The following ANKRD11 variants were observed in gnomAD, a reference collection of about 807,000 sequenced individuals.
ANKRD11 encodes the protein ankyrin repeat domain-containing protein 11.
Under a neutral mutation model 195.7 loss-of-function variants are expected in ANKRD11, and 17 were observed. That is an observed-to-expected ratio of 0.09 (90% CI 0.06 to 0.13). The LOEUF is 0.13. Among genes scored for constraint, ANKRD11 ranks in the 10% least tolerant of loss-of-function variants. The probability of loss-of-function intolerance (pLI) is 1.00; values close to 1 mark genes in which losing one functional copy is unlikely to be tolerated. For missense variants in ANKRD11, 3,735 were observed against 3,566.1 expected (o/e 1.05, Z -1.21); for synonymous variants, 1,953 against 1,528.1 (o/e 1.28, Z -6.49).
chr16:89,341,838 G>A (rs113676492), intron 2 of ANKRD11, among the ~76,000 whole-genome samples: 4 of 151,408 alleles, frequency 2.6e-5, no homozygotes, highest in African/African-American at 4.9e-5. Flanking sequence ...CACGGCCCAC[G>A]GCGGGAGTGC....
Position 89,291,276 on chromosome 16 carries a change from C to A in ANKRD11, c.227-93G>T. 6.8e-7 allele frequency: 1 copy of A among 1,472,188 alleles called. No individual in the cohort carries two copies. The highest frequency in any genetic ancestry group is 2.4e-5 in the East Asian group (1 of 42,472). 91.2% of individuals were successfully genotyped at this position (1,472,188 alleles called of 1,614,324 possible). ...TTACCTAATGTTACGGAGCCCCCTG[C>A]GTCCACCTGACAGCTGACAGAGCAG... On this transcript the variant is annotated intron_variant, in intron 4 of 12. Transcript: ENST00000301030. The surrounding 1 kb of genome is among the most constrained non-coding windows in gnomAD (Gnocchi z 5.3).
At position 89,270,852 on chromosome 16, in the gene ANKRD11, G is replaced by C; in HGVS notation, c.7771C>G (p.Leu2591Val). ...TCATACTTGTCATCCACGTCCTGGA[G>C]CCAGGAGATGAACTGGCGGGCGTTG... ...RFNARQFISW[L>V]QDVDDKYDRM... Residue 2591 changes from leucine to valine, a missense_variant, in exon 12 of 13, where the codon CTC (leucine) becomes GTC (valine). Coordinates refer to ENST00000301030, the MANE Select transcript of ANKRD11 (RefSeq NM_013275.6). The C allele has an allele frequency of 6.2e-7, 1 of 1,614,084 alleles. No homozygotes were observed. Among genetic ancestry groups the C allele is most frequent in the South Asian group, 1.1e-5 (1 of 91,086 alleles).
chr16:89,370,091 C>A (rs1597811921), intron 2 of ANKRD11, among the ~76,000 whole-genome samples: 8 of 152,306 alleles, frequency 5.3e-5, no homozygotes, highest in Admixed American at 5.2e-4. Flanking sequence ...GAATCTCAGG[C>A]ATGGCAGGAA....
At chr16:89,305,663 GCTACCTC>G (rs2036153401) in intron 3 of ANKRD11, among the ~76,000 whole-genome samples, 2 of 91,842 alleles carry the variant, frequency 2.2e-5, no homozygotes, top group African/African-American at 4.1e-5. Context: ...GCAGACACGC[GCTACCTC>G]CCACTCCGCA....
At chr16:89,321,577 C>CGG (rs1210525883) in intron 2 of ANKRD11, among the ~76,000 whole-genome samples, 1 of 152,020 alleles carries the variant, frequency 6.6e-6, no homozygotes, top group Non-Finnish European at 1.5e-5. Context: ...TGGAGACTCA[C>CGG]GGGTCCCCTC....
chr16:89,457,419 A>G (rs1360788858), intron 1 of ANKRD11, among the ~76,000 whole-genome samples: 1 of 151,288 alleles, frequency 6.6e-6, no homozygotes, highest in Non-Finnish European at 1.5e-5. Context: ...CAATATGGTA[A>G]AACCCTGTCT....
At chr16:89,381,354 AG>A (rs149983751) in intron 2 of ANKRD11, among the ~76,000 whole-genome samples, 1 of 125,346 alleles carries the variant, frequency 8.0e-6, no homozygotes, top group African/African-American at 3.3e-5. Flanking sequence ...AAAAAAAAAA[AG>A]GGGTGAGAAG....
Position 89,284,123 on chromosome 16 carries a change from C to A in ANKRD11, c.2419G>T (p.Val807Phe), listed in dbSNP as rs150485489. ...TCAAAAGCAGAATCTTCCCTATAAA[C>A]CTTTTCTTTTTTGAGTTTTTCTTTA... ...EDKEKLKKEK[V>F]YREDSAFDEY... The change falls in exon 9 of 13, where the codon GTT becomes TTT. Residue 807 changes from valine (V) to phenylalanine (F), a missense_variant. Physicochemically the swap from Val to Phe is conservative, Grantham distance 50 (BLOSUM62 -1). Coordinates refer to ENST00000301030, the MANE Select transcript of ANKRD11 (RefSeq NM_013275.6). 6.2e-7 allele frequency: 1 copy of A among 1,609,226 alleles called. No individual in the cohort carries two copies. The highest frequency in any genetic ancestry group is 1.7e-5 in the Admixed American group (1 of 59,162).
intron 9 of ANKRD11, among the ~76,000 whole-genome samples, chr16:89,276,827 GCAGGCGGATCACAAGGT>G (rs2033695020): frequency 6.6e-6 from 1 of 152,178 alleles, no homozygotes; most frequent in South Asian, 2.1e-4. Flanking sequence ...GGAGGCTGAG[GCAGGCGGATCACAAGGT>G]CAGGAGTTTG....
intron 1 of ANKRD11, among the ~76,000 whole-genome samples, chr16:89,453,173 T>C (rs898820145): frequency 6.6e-6 from 1 of 152,228 alleles, no homozygotes; most frequent in Non-Finnish European, 1.5e-5. Context: ...TCTTGGCTCC[T>C]TTTTGTTTTT....
chr16:89,443,986 G>C (rs957174473), intron 1 of ANKRD11, among the ~76,000 whole-genome samples: 1 of 152,172 alleles, frequency 6.6e-6, no homozygotes, highest in African/African-American at 2.4e-5. Context: ...GGCTGAACAG[G>C]GAGGCAGAAA....
chr16:89,310,802 C>T (rs1380631847), intron 3 of ANKRD11, among the ~76,000 whole-genome samples: 2 of 152,230 alleles, frequency 1.3e-5, no homozygotes, highest in Non-Finnish European at 2.9e-5. Context: ...CCATGCTACG[C>T]TCACTGATTC....
At chr16:89,467,568 G>C (rs1041817670) in intron 1 of ANKRD11, among the ~76,000 whole-genome samples, 1 of 152,022 alleles carries the variant, frequency 6.6e-6, no homozygotes, top group Non-Finnish European at 1.5e-5. Flanking sequence ...GTCTTGCTAT[G>C]CTGCCCAGGC....
intron 7 of ANKRD11, chr16:89,286,910 G>A (rs1337911381): frequency 1.6e-6 from 2 of 1,289,408 alleles, no homozygotes; most frequent in African/African-American, 3.0e-5. Context: ...CAAAGAATCT[G>A]TCATAACGTT....
At chr16:89,353,341 C>T (rs768482145) in intron 2 of ANKRD11, among the ~76,000 whole-genome samples, 2 of 147,096 alleles carry the variant, frequency 1.4e-5, no homozygotes, top group Non-Finnish European at 3.0e-5. Context: ...GACTCCAACT[C>T]CAAAAAAAAA....
At position 89,279,078 on chromosome 16, in the gene ANKRD11, G is replaced by A. The variant is rs2033928408; in HGVS notation, c.7464C>T (p.Ile2488=). The A allele has an allele frequency of 6.2e-7, 1 of 1,613,992 alleles. No individual in the cohort carries two copies. Among genetic ancestry groups the A allele is most frequent in the South Asian group, 1.1e-5 (1 of 91,076 alleles). Residue 2488 remains isoleucine, a synonymous_variant, in exon 9 of 13, where the codon ATC becomes ATT. Transcript: ENST00000301030. This position sits in a 1 kb window ranked among gnomAD's most constrained non-coding sequence, Gnocchi z 5.6. ...TCCCGGGCCCCGCACTCACCACGGGGATGTGGAGCTTGCTGAGCGGCTTGC... is the reference window on the plus strand; with the variant it reads ...TCCCGGGCCCCGCACTCACCACGGGAATGTGGAGCTTGCTGAGCGGCTTGC... ...LDGKPLSKLH[I]PVIAPPPSLA... is the part of the protein sequence containing the mutation.
Position 89,395,307 on chromosome 16 carries a change from G to A in ANKRD11, c.-60+22977C>T, listed in dbSNP as rs145781703. ...AATGGGCTGGACTCTTTCCAGCTCC[G>A]TAATCCTGGGAGCAGCGTCGGTGTG... On this transcript the variant is annotated intron_variant, in intron 2 of 12. Transcript: ENST00000301030. Among the ~76,000 whole-genome samples the A allele has an allele frequency of 4.2e-3, 640 of 152,350 alleles. 7 individuals are homozygous for A. The highest frequency in any genetic ancestry group is 0.015 in the African/African-American group (606 of 41,582).
rs149318084 is a variant in ANKRD11, at chr16:89,347,210, G to A, written c.-59-30132C>T. 2.0e-5 allele frequency among the ~76,000 whole-genome samples: 3 copies of A among 152,328 alleles called. No individual in the cohort carries two copies. In the East Asian group the frequency reaches 5.8e-4, roughly 29 times the overall value. Reference sequence around the variant, plus strand: ...CTGCCACAGCAGCACCTGGGTGAGGGCTTCTTTCAATCTCTGGCAGTGTAG... The same window carrying A: ...CTGCCACAGCAGCACCTGGGTGAGGACTTCTTTCAATCTCTGGCAGTGTAG... On this transcript the variant is annotated intron_variant, in intron 2 of 12. Coordinates refer to ENST00000301030, the MANE Select transcript of ANKRD11 (RefSeq NM_013275.6).
chr16:89,423,255 T>A lies in ANKRD11; in HGVS notation c.-144-4887A>T, dbSNP rs2042585224. On this transcript the variant is annotated intron_variant, in intron 1 of 12. Coordinates refer to ENST00000301030, the MANE Select transcript of ANKRD11 (RefSeq NM_013275.6). ...ACCTTATGCAAACAATGATTTTCATTCGCGTTAGGCTGGGTGGGAGGGTCC... is the reference window on the plus strand; with the variant it reads ...ACCTTATGCAAACAATGATTTTCATACGCGTTAGGCTGGGTGGGAGGGTCC... Among the ~76,000 whole-genome samples the A allele has an allele frequency of 2.0e-5, 3 of 152,232 alleles. No individual in the cohort carries two copies. In the South Asian group the frequency reaches 6.2e-4, roughly 32 times the overall value.
Sources: allele counts gnomAD v4.1 joint callset (sites outside exome capture counted in the v4.1 genomes callset), GRCh38; gene constraint gnomAD v4.1.1; non-coding constraint Gnocchi (gnomAD v3.1); transcripts MANE v1.5; gene names NCBI Gene and HGNC (gene_info 2026-07-23, HGNC 2026-07-21).